BAIAP2: variants seen among roughly 807,000 people sequenced by gnomAD.
BAIAP2 encodes the protein BAR/IMD domain-containing adapter protein 2.
A neutral mutation model predicts 63.0 loss-of-function variants in BAIAP2; 18 were observed. The ratio of observed to expected loss-of-function variants is 0.29; its 90% CI spans 0.20 to 0.42. The LOEUF (loss-of-function observed/expected upper bound fraction) is 0.42. Ranked by LOEUF, BAIAP2 falls within the 10% of genes least tolerant of loss-of-function variation. The pLI is 1.00. For synonymous variants in BAIAP2, 386 were observed against 307.6 expected (o/e 1.25, Z -2.67); for missense variants, 610 against 734.3 (o/e 0.83, Z 1.96).
chr17:81,100,724 C>A (rs978554189), intron 7 of BAIAP2, among the ~76,000 whole-genome samples: 3 of 152,174 alleles, frequency 2.0e-5, no homozygotes, highest in Admixed American at 6.5e-5. Context: ...CCAAACCTGC[C>A]CTATCTCTTT....
At chr17:81,042,859 C>T (rs2047276214) in intron 1 of BAIAP2, among the ~76,000 whole-genome samples, 1 of 151,782 alleles carries the variant, frequency 6.6e-6, no homozygotes, top group South Asian at 2.1e-4. Flanking sequence ...TTGCTGCTTC[C>T]AGGCGGGGCT....
chr17:81,115,347 C>T (rs987923165), intron 13 of BAIAP2, among the ~76,000 whole-genome samples: 3 of 152,220 alleles, frequency 2.0e-5, no homozygotes, highest in African/African-American at 7.2e-5. Flanking sequence ...ACGCTGTGTC[C>T]CTGGGTGTGG....
chr17:81,096,469 A>G (rs2057629210), intron 6 of BAIAP2, among the ~76,000 whole-genome samples: 2 of 152,254 alleles, frequency 1.3e-5, no homozygotes, highest in African/African-American at 4.8e-5. Flanking sequence ...GGCGCACCCC[A>G]GCATCCCTGG....
chr17:81,112,822 G>A (rs1203401843), intron 13 of BAIAP2, among the ~76,000 whole-genome samples: 2 of 152,188 alleles, frequency 1.3e-5, no homozygotes, highest in Non-Finnish European at 1.5e-5. Context: ...AGGCTGAGGC[G>A]AGAGGATCTC....
At position 81,106,135 on chromosome 17, in the gene BAIAP2, G is replaced by T. The variant is rs1291953702; in HGVS notation, c.1326G>T (p.Arg442Ser). ...TCTTGGACAGCGATGGCAGTGACAG[G>T]CTGCACATGAGGTGAGCTCTGGGCC... ...TRVLDSDGSD[R>S]LHMSLQQGKS... Residue 442 changes from arginine to serine, a missense_variant, in exon 11 of 14, where the codon AGG (arginine) becomes AGT (serine). Physicochemically the swap from Arg to Ser is moderately radical, Grantham distance 110 (BLOSUM62 -1). This residue lies in a region of BAIAP2 where 29 missense variants were observed against 23.2 expected (regional missense o/e 1.25). Coordinates refer to ENST00000428708, the MANE Select transcript of BAIAP2 (RefSeq NM_001144888.2). 1 of 1,582,426 alleles carries T rather than the reference G, an allele frequency of 6.3e-7. No individual in the cohort carries two copies. The highest frequency in any genetic ancestry group is 1.8e-5 in the Admixed American group (1 of 55,224).
rs551077297 is a variant in BAIAP2 at position 81,086,593 on chromosome 17, C to A, written c.489+13C>A. ...CAAGGAGCTGCAGGTAGGCCCGCCA[C>A]CCCCGCTGTGGTGCCTCTCCTGCCA... On this transcript the variant is annotated intron_variant, in intron 6 of 13. Coordinates refer to ENST00000428708, the MANE Select transcript of BAIAP2 (RefSeq NM_001144888.2). 6.8e-6 allele frequency: 11 copies of A among 1,612,174 alleles called. No individual in the cohort carries two copies. The South Asian group carries it at 1.2e-4, about 18-fold the overall frequency.
intron 3 of BAIAP2, among the ~76,000 whole-genome samples, chr17:81,065,214 C>G (rs935047573): frequency 6.6e-6 from 1 of 152,210 alleles, no homozygotes; most frequent in African/African-American, 2.4e-5. Flanking sequence ...TGTGTAGACA[C>G]TCAGTGTCCC....
intron 7 of BAIAP2, among the ~76,000 whole-genome samples, chr17:81,101,602 A>G (rs1209907067): frequency 6.6e-6 from 1 of 151,594 alleles, no homozygotes. Context: ...TGTTCCCCCC[A>G]CCCACCACAC....
chr17:81,069,123 A>G (rs923223794), intron 3 of BAIAP2, among the ~76,000 whole-genome samples: 2 of 152,126 alleles, frequency 1.3e-5, no homozygotes, highest in Non-Finnish European at 2.9e-5. Context: ...CTGAAGGGCA[A>G]ACGGCAGAGC....
chr17:81,086,663 G>A (rs1304752382), intron 6 of BAIAP2, 83 bp downstream of exon 6: 2 of 1,511,576 alleles, frequency 1.3e-6, no homozygotes, highest in Non-Finnish European at 1.8e-6. Context: ...CACAGGGAGT[G>A]GACAGCAGCC....
At chr17:81,106,595 T>C in intron 11 of BAIAP2, 150 bp from the exon 12 acceptor site, 1 of 879,384 alleles carries the variant, frequency 1.1e-6, no homozygotes, top group Admixed American at 2.8e-5. Context: ...GCCCGGCCCA[T>C]GGTCCCCAGG....
intron 6 of BAIAP2, among the ~76,000 whole-genome samples, chr17:81,099,291 G>A (rs559099095): frequency 3.3e-5 from 5 of 151,766 alleles, no homozygotes; most frequent in Non-Finnish European, 7.4e-5. Context: ...GTGTCTTAGC[G>A]TCCCGCTCCC....
intron 6 of BAIAP2, among the ~76,000 whole-genome samples, chr17:81,094,894 G>T (rs1284674943): frequency 1.3e-5 from 2 of 152,238 alleles, no homozygotes; most frequent in Non-Finnish European, 2.9e-5. Flanking sequence ...TGCTGCAGGG[G>T]ACCTGGGGGG....
intron 10 of BAIAP2, chr17:81,105,838 C>A: frequency 2.2e-6 from 1 of 461,576 alleles, no homozygotes; most frequent in Non-Finnish European, 3.9e-6. Context: ...GCAGTTGGGT[C>A]TGGTGGGGCC....
At chr17:81,057,629 A>G in intron 2 of BAIAP2, 1 of 1,229,074 alleles carries the variant, frequency 8.1e-7, no homozygotes, top group Non-Finnish European at 1.0e-6. Flanking sequence ...TTTGACTTGA[A>G]TAGCTCAGGA....
intron 1 of BAIAP2, among the ~76,000 whole-genome samples, chr17:81,050,772 T>TATGCACAC (rs1195421984): frequency 1.9e-4 from 28 of 150,158 alleles, no homozygotes; most frequent in Admixed American, 4.6e-4. Flanking sequence ...TGCATGTGTG[T>TATGCACAC]ATGCACACAT....
chr17:81,106,655 G>T (rs2059219088), intron 11 of BAIAP2, 90 bp from the exon 12 acceptor site: 2 of 1,506,432 alleles, frequency 1.3e-6, no homozygotes, highest in Admixed American at 3.5e-5. Context: ...CGTGGGCTAG[G>T]TGAGGGCGGG....
intron 13 of BAIAP2, 73 bp downstream of exon 13, chr17:81,108,582 G>C (rs933972941): frequency 4.5e-6 from 7 of 1,572,940 alleles, no homozygotes; most frequent in Non-Finnish European, 6.1e-6. Context: ...AGGTCCCTCT[G>C]CTAGGACCTG....
chr17:81,091,679 C>T (rs1033640893), intron 6 of BAIAP2, among the ~76,000 whole-genome samples: 10 of 152,270 alleles, frequency 6.6e-5, no homozygotes, highest in Non-Finnish European at 1.0e-4. Flanking sequence ...CTTTCTTGAG[C>T]GGGCAGGAGG....
Sources: gnomAD v4.1 joint callset for allele counts (sites outside exome capture counted in the v4.1 genomes callset) on GRCh38, gnomAD v4.1.1 for gene constraint, gnomAD v4.1.1 regional missense constraint, MANE v1.5 for transcripts, NCBI Gene and HGNC (gene_info 2026-07-23, HGNC 2026-07-21) for gene names.